DYSF: variants seen among roughly 807,000 people sequenced by gnomAD.
DYSF encodes dysferlin, also known as dystrophy-associated fer-1-like 1.
In DYSF, 212 loss-of-function variants were observed where a neutral mutation model predicts 274.9. The ratio of observed to expected loss-of-function variants is 0.77; its 90% CI spans 0.69 to 0.86. The LOEUF is 0.86. DYSF is among the 40% of genes least tolerant of loss of function. DYSF has a pLI of 0.00. For synonymous variants in DYSF, 1,091 were observed against 1,078.7 expected (o/e 1.01, Z -0.22); for missense variants, 2,666 against 2,783.2 (o/e 0.96, Z 0.95).
In DYSF at chr2:71,615,984, C is replaced by G. The variant is rs1228180916; in HGVS notation, c.4464+2574C>G. 6.6e-6 allele frequency among the ~76,000 whole-genome samples: 1 copy of G among 152,158 alleles called. No homozygotes were observed. Among genetic ancestry groups the G allele is most frequent in the Non-Finnish European group, 1.5e-5 (1 of 68,028 alleles). ...TCAAACCTGCTCTTGCCAGAGTTAC[C>G]CTTCCATCTTGGTCCCTTCCTGTCA... On this transcript the variant is annotated intron_variant, in intron 40 of 55. Transcript: ENST00000410020. This position sits in a 1 kb window ranked among gnomAD's most constrained non-coding sequence, Gnocchi z 4.9.
chr2:71,658,137 C>A (rs142023270), intron 43 of DYSF, among the ~76,000 whole-genome samples: 44 of 152,156 alleles, frequency 2.9e-4, no homozygotes, highest in African/African-American at 1.0e-3. Flanking sequence ...TACCCTAAAT[C>A]GTCTCTCTCC....
intron 16 of DYSF, 99 bp downstream of exon 16, chr2:71,535,410 G>C: frequency 7.7e-7 from 1 of 1,291,224 alleles, no homozygotes; most frequent in South Asian, 1.2e-5. Context: ...AAGAGTGTGA[G>C]GGAGAAGTTT....
At chr2:71,466,955 C>T in intron 1 of DYSF, 22 bp downstream of exon 1, 2 of 1,547,300 alleles carry the variant, frequency 1.3e-6, no homozygotes, top group South Asian at 2.4e-5. Context: ...GTGGCTGCCG[C>T]GCCCATGCTC....
intron 45 of DYSF, among the ~76,000 whole-genome samples, 163 bp from the exon 46 acceptor site, chr2:71,664,105 A>T (rs1001661746): frequency 2.6e-5 from 4 of 152,104 alleles, no homozygotes; most frequent in African/African-American, 9.7e-5. Flanking sequence ...CTACACACAC[A>T]CTCAGGCCCA....
At chr2:71,617,916 GTGTGTGTGGTAGA>G (rs1357579799) in intron 40 of DYSF, among the ~76,000 whole-genome samples, 19 of 39,676 alleles carry the variant, frequency 4.8e-4, no homozygotes, top group East Asian at 1.1e-3. Flanking sequence ...GTAGAGGTGT[GTGTGTGTGGTAGA>G]GGTGTGTGTG....
chr2:71,532,040 A>G lies in DYSF; in HGVS notation c.1381-2981A>G, dbSNP rs140564928. On this transcript the variant is annotated intron_variant, in intron 14 of 55. Coordinates refer to ENST00000410020, the MANE Select transcript of DYSF (RefSeq NM_001130987.2). ...TTATAGATCATAACTACCATGAATA[A>G]TGAGAATCAACTATATACATGCAGT... 1.1e-3 allele frequency among the ~76,000 whole-genome samples: 161 copies of G among 152,344 alleles called. 1 individual carries two copies. The highest frequency in any genetic ancestry group is 2.8e-3 in the African/African-American group (117 of 41,584).
intron 51 of DYSF, among the ~76,000 whole-genome samples, chr2:71,671,942 G>A (rs534698816): frequency 2.9e-4 from 44 of 152,300 alleles, no homozygotes; most frequent in African/African-American, 1.0e-3. Flanking sequence ...TCAGACTTGG[G>A]AGAATGAGAA....
chr2:71,566,831 G>A (rs2092138947), intron 24 of DYSF, among the ~76,000 whole-genome samples: 1 of 152,214 alleles, frequency 6.6e-6, no homozygotes, highest in Non-Finnish European at 1.5e-5. Flanking sequence ...AAGAAGGGGG[G>A]CTGTGTCCGC....
chr2:71,528,882 G>A (rs2088302283), intron 14 of DYSF, among the ~76,000 whole-genome samples: 1 of 152,126 alleles, frequency 6.6e-6, no homozygotes, highest in Admixed American at 6.5e-5. Flanking sequence ...CGGGACTGTG[G>A]CTCCAGTCCC....
intron 12 of DYSF, among the ~76,000 whole-genome samples, chr2:71,523,918 G>A (rs1195634617): frequency 2.0e-5 from 3 of 152,246 alleles, no homozygotes; most frequent in African/African-American, 7.2e-5. Context: ...ACTTCCCACT[G>A]CTTTTAGGAT....
At chr2:71,471,006 G>T (rs771049286) in intron 1 of DYSF, among the ~76,000 whole-genome samples, 93 of 151,956 alleles carry the variant, frequency 6.1e-4, no homozygotes, top group Non-Finnish European at 1.2e-3. Flanking sequence ...ATGTTGCCCA[G>T]GCTGGTCTCA....
chr2:71,637,801 T>TAGTTAA lies in DYSF; in HGVS notation c.4528-6163_4528-6158dup, dbSNP rs2094428915. ...AAGCATTGTAGGACCAAGAAAATAT[T>TAGTTAA]AGTTAATATGTAAATCATGATTCTG... On this transcript the variant is annotated intron_variant, in intron 41 of 55. Coordinates refer to ENST00000410020, the MANE Select transcript of DYSF (RefSeq NM_001130987.2). 2.0e-5 allele frequency among the ~76,000 whole-genome samples: 3 copies of TAGTTAA among 152,228 alleles called. No individual in the cohort carries two copies. The South Asian group carries it at 6.2e-4, about 32-fold the overall frequency.
chr2:71,673,329 A>G (rs1417394583), intron 51 of DYSF, among the ~76,000 whole-genome samples: 2 of 152,316 alleles, frequency 1.3e-5, no homozygotes, highest in Admixed American at 6.5e-5. Flanking sequence ...CAGTTGCTCC[A>G]TGAAGCCTCA....
At chr2:71,677,509 C>T in intron 52 of DYSF, among the ~76,000 whole-genome samples, 1 of 151,936 alleles carries the variant, frequency 6.6e-6, no homozygotes, top group East Asian at 1.9e-4. Flanking sequence ...TATGGTTCAA[C>T]CTAATAGCTG....
Position 71,682,668 on chromosome 2 carries a change from C to T in DYSF, c.6312C>T (p.Tyr2104=), listed in dbSNP as rs549673939. The T allele has an allele frequency of 5.7e-5, 92 of 1,614,012 alleles. No individual in the cohort carries two copies. The Middle Eastern group carries it at 6.6e-4, about 12-fold the overall frequency. Residue 2104 remains tyrosine (Y), a synonymous_variant, in exon 55 of 56, where the codon TAC becomes TAT. Transcript: ENST00000410020. ...ILLLFLAIFI[Y]AFPNYAAMKL... is the part of the protein sequence containing the mutation. The stretch of plus-strand genomic sequence containing the variant: ...TGCTGTTCCTGGCCATCTTCATCTA[C>T]GCCTTCCCGGTGAGCAGGCCTGACG...
intron 22 of DYSF, among the ~76,000 whole-genome samples, chr2:71,559,852 A>G (rs1170417561): frequency 6.6e-6 from 1 of 152,236 alleles, no homozygotes; most frequent in Non-Finnish European, 1.5e-5. Flanking sequence ...GGCAGCATCC[A>G]GTCCAAGCCC....
In DYSF at chr2:71,685,945, A is replaced by G. The variant is rs1040185571; in HGVS notation, c.6322-509A>G. Among the ~76,000 whole-genome samples, 14 of 152,248 alleles carry G rather than the reference A, an allele frequency of 9.2e-5. No individual in the cohort carries two copies. The South Asian group carries it at 2.3e-3, about 25-fold the overall frequency. On this transcript the variant is annotated intron_variant, in intron 55 of 55. Coordinates refer to ENST00000410020, the MANE Select transcript of DYSF (RefSeq NM_001130987.2). ...CTAGTGCTGGGCTGTGCCGTGGGTC[A>G]TCCACGACAGCCCATCCCCAACTCT...
chr2:71,483,996 T>G (rs2083152699), intron 3 of DYSF, among the ~76,000 whole-genome samples: 1 of 151,884 alleles, frequency 6.6e-6, no homozygotes, highest in Non-Finnish European at 1.5e-5. Flanking sequence ...ACATGTTTCA[T>G]TTTCATTATC....
intron 17 of DYSF, among the ~76,000 whole-genome samples, chr2:71,550,218 G>A (rs980796749): frequency 1.3e-5 from 2 of 152,230 alleles, no homozygotes; most frequent in Non-Finnish European, 2.9e-5. Context: ...GGGACACTGT[G>A]GCATTTTAGG....
Sources: allele counts gnomAD v4.1 joint callset (sites outside exome capture counted in the v4.1 genomes callset), GRCh38; gene constraint gnomAD v4.1.1; non-coding constraint Gnocchi (gnomAD v3.1); transcripts MANE v1.5; gene names NCBI Gene and HGNC (gene_info 2026-07-23, HGNC 2026-07-21).